Variants in EIF5B observed in about 807,000 individuals in gnomAD.
The protein encoded by EIF5B is eIF-5B.
In EIF5B, 47 loss-of-function variants were observed where a neutral mutation model predicts 147.5. The ratio of observed to expected loss-of-function variants is 0.32; its 90% CI spans 0.25 to 0.41. The LOEUF is 0.41. EIF5B is among the 10% of genes least tolerant of loss of function. The pLI, the probability that EIF5B is intolerant of heterozygous loss-of-function variation, is 1.00. For missense variants in EIF5B, 1,064 were observed against 1,413.2 expected (o/e 0.75, Z 3.96); for synonymous variants, 455 against 456.2 (o/e 1.00, Z 0.03).
chr2:99,369,021 C>T (rs967199612), intron 7 of EIF5B, among the ~76,000 whole-genome samples: 19 of 152,218 alleles, frequency 1.2e-4, no homozygotes, highest in Non-Finnish European at 2.6e-4. Context: ...GCCTGTAATC[C>T]CAGCACGCTG....
chr2:99,352,968 AC>A (rs1674005820), intron 1 of EIF5B, among the ~76,000 whole-genome samples: 3 of 145,810 alleles, frequency 2.1e-5, no homozygotes, highest in Non-Finnish European at 1.5e-5. Context: ...AAGTACAGGC[AC>A]ATGCCACTAT....
intron 17 of EIF5B, among the ~76,000 whole-genome samples, chr2:99,391,157 A>G (rs963282093): frequency 1.3e-5 from 2 of 152,218 alleles, no homozygotes; most frequent in African/African-American, 4.8e-5. Flanking sequence ...TTACAGTAAA[A>G]CAAGCTAGAG....
chr2:99,375,724 T>C (rs12464535), intron 9 of EIF5B, among the ~76,000 whole-genome samples: 94,031 of 152,096 alleles, frequency 0.62, 29,859 homozygotes, highest in African/African-American at 0.75. Context: ...AAGTGACAGA[T>C]TTCGTTTTAG....
In EIF5B at chr2:99,361,149, C is replaced by T. The variant is rs890144977; in HGVS notation, c.248C>T (p.Pro83Leu). 7.5e-6 allele frequency: 11 copies of T among 1,470,486 alleles called. No individual in the cohort carries two copies. The highest frequency in any genetic ancestry group is 9.9e-6 in the Non-Finnish European group (11 of 1,112,306). 91.1% of individuals were successfully genotyped at this position (1,470,486 alleles called of 1,614,324 possible). A position where few individuals can be genotyped will look rare whatever the true frequency, so the allele number is the denominator to read the frequency against. Residue 83 changes from proline to leucine, a missense_variant and splice_region_variant, in exon 4 of 24, where the codon CCA becomes CTA. Pro to Leu is a moderately conservative substitution (Grantham distance 98). This residue lies in a region of EIF5B where 458 missense variants were observed against 451.3 expected (regional missense o/e 1.01). Coordinates refer to ENST00000289371, the MANE Select transcript of EIF5B (RefSeq NM_015904.4). ...KADRETVAVK[P>L]TENNEEEFTS... ...TTTCTAACAATGGAAATTTTTTAGC[C>T]AACAGAAAACAATGAAGAGGAATTC...
At position 99,389,801 on chromosome 2, in the gene EIF5B, T is replaced by C; in HGVS notation, c.2355T>C (p.Asp785=). The change falls in exon 15 of 24, where the codon GAT becomes GAC. Residue 785 remains aspartate, a synonymous_variant. Coordinates refer to ENST00000289371, the MANE Select transcript of EIF5B (RefSeq NM_015904.4). ...TLKKQKKNTK[D]EFEERAKAII... is the part of the protein sequence containing the mutation. ...AGAAGCAGAAAAAGAATACAAAAGATGAATTTGAGGAGCGAGCAAAGGCTA... is the reference window on the plus strand; with the variant it reads ...AGAAGCAGAAAAAGAATACAAAAGACGAATTTGAGGAGCGAGCAAAGGCTA... 1 of 1,613,544 alleles carries C rather than the reference T, an allele frequency of 6.2e-7. No homozygotes were observed. Among genetic ancestry groups the C allele is most frequent in the East Asian group, 2.2e-5 (1 of 44,840 alleles).
intron 21 of EIF5B, among the ~76,000 whole-genome samples, chr2:99,396,496 G>A (rs2104259088): frequency 6.6e-6 from 1 of 152,324 alleles, no homozygotes; most frequent in African/African-American, 2.4e-5. Context: ...CTGTGATGCA[G>A]CTTCTTTTGG....
intron 23 of EIF5B, 61 bp downstream of exon 23, chr2:99,398,970 C>T (rs1675132588): frequency 1.0e-5 from 16 of 1,551,746 alleles, no homozygotes; most frequent in Non-Finnish European, 1.4e-5. Context: ...TCTTGGGTCA[C>T]CTGTACCTGT....
Position 99,389,812 on chromosome 2 carries a change from A to T in EIF5B, c.2366A>T (p.Glu789Val). Residue 789 changes from glutamate (E) to valine (V), a missense_variant, in exon 15 of 24, where the codon GAG (glutamate) becomes GTG (valine). By Grantham distance (121) the Glu-to-Val change is moderately radical. Around this residue, in one of 4 missense-constraint regions of EIF5B, gnomAD observed 380 missense variants for 715.6 expected, o/e 0.53. Coordinates refer to ENST00000289371, the MANE Select transcript of EIF5B (RefSeq NM_015904.4). ...QKKNTKDEFE[E>V]RAKAIIVEFA... ...AAGAATACAAAAGATGAATTTGAGG[A>T]GCGAGCAAAGGCTATTATTGTAGAA... 6.2e-7 allele frequency: 1 copy of T among 1,613,518 alleles called. No individual in the cohort carries two copies. Among genetic ancestry groups the T allele is most frequent in the Middle Eastern group, 1.7e-4 (1 of 5,914 alleles).
chr2:99,345,172 A>C (rs2094269749), intron 1 of EIF5B, among the ~76,000 whole-genome samples: 2 of 152,228 alleles, frequency 1.3e-5, no homozygotes, highest in Non-Finnish European at 1.5e-5. Context: ...TAATTATTAT[A>C]GTGTTAGACG....
rs985440240 is a variant in EIF5B at position 99,396,645 on chromosome 2, C to T, written c.3255-115C>T. ...CACCCTGCCTGCCCCTCTCCTGTGG[C>T]CGCTGGGGAAAGCTGCTTTCCTCTA... On this transcript the variant is annotated intron_variant, in intron 21 of 23. Transcript: ENST00000289371. 15 of 1,333,484 alleles carry T rather than the reference C, an allele frequency of 1.1e-5. No homozygotes were observed. In the Admixed American group the frequency reaches 3.5e-4, roughly 31 times the overall value. 82.6% of individuals were successfully genotyped at this position (1,333,484 alleles called of 1,614,324 possible). A position where few individuals can be genotyped will look rare whatever the true frequency, so the allele number is the denominator to read the frequency against.
At chr2:99,388,174 G>A (rs922098051) in intron 14 of EIF5B, among the ~76,000 whole-genome samples, 2 of 152,126 alleles carry the variant, frequency 1.3e-5, no homozygotes, top group African/African-American at 2.4e-5. Flanking sequence ...ATTAGGCCTA[G>A]TATCTTCTTT....
chr2:99,337,990 G>A (rs1206110769), intron 1 of EIF5B, among the ~76,000 whole-genome samples: 1 of 152,246 alleles, frequency 6.6e-6, no homozygotes, highest in Admixed American at 6.5e-5. Context: ...CTTTGGGAGG[G>A]AAGGGAGCTT....
At chr2:99,357,756 A>G (rs375328459) in intron 1 of EIF5B, among the ~76,000 whole-genome samples, 31 of 152,250 alleles carry the variant, frequency 2.0e-4, no homozygotes, top group African/African-American at 7.2e-4. Context: ...CTGTAGTGTG[A>G]AATGTTGCCA....
rs542675820 is a variant in EIF5B, at chr2:99,400,369, A to AACTT, written c.*957_*960dup. 80 of 152,292 alleles carry AACTT rather than the reference A, an allele frequency of 5.3e-4. No individual in the cohort carries two copies. Among genetic ancestry groups the AACTT allele is most frequent in the African/African-American group, 1.6e-3 (68 of 41,566 alleles). The allele number at this position is 152,292 out of a possible 1,614,324, so 9.4% of individuals were successfully genotyped here. ...TGCTTCTAAATTGTTGCAGACACAA[A>AACTT]ACTTAATGATTCATTCGTAGTAGTA... On this transcript the variant is annotated 3_prime_UTR_variant, in exon 24 of 24. Coordinates refer to ENST00000289371, the MANE Select transcript of EIF5B (RefSeq NM_015904.4).
chr2:99,400,193 G>GTA lies in EIF5B; in HGVS notation c.*780_*781dup, dbSNP rs1363142006. Reference sequence around the variant, plus strand: ...CCTTGTATGCCAGCACCTGGTAACAGTAGAGATTTTTATACATTAATCTTG... The same window carrying GTA: ...CCTTGTATGCCAGCACCTGGTAACAGTATAGAGATTTTTATACATTAATCTTG... On this transcript the variant is annotated 3_prime_UTR_variant, in exon 24 of 24. Coordinates refer to ENST00000289371, the MANE Select transcript of EIF5B (RefSeq NM_015904.4). 6.6e-6 allele frequency: 1 copy of GTA among 152,080 alleles called. No homozygotes were observed. Among genetic ancestry groups the GTA allele is most frequent in the Non-Finnish European group, 1.5e-5 (1 of 68,046 alleles). The allele number at this position is 152,080 out of a possible 1,614,324, so 9.4% of individuals were successfully genotyped here.
Position 99,389,727 on chromosome 2 carries a change from T to C in EIF5B, c.2281T>C (p.Leu761=), listed in dbSNP as rs753358744. 1.2e-6 allele frequency: 2 copies of C among 1,604,222 alleles called. No homozygotes were observed. The highest frequency in any genetic ancestry group is 1.1e-5 in the South Asian group (1 of 88,676). Residue 761 remains leucine (L), a synonymous_variant, in exon 15 of 24, where the codon TTA becomes CTA. Transcript: ENST00000289371. ...FIVALNKIDR[L]YDWKKSPDSD... is the part of the protein sequence containing the mutation. The stretch of plus-strand genomic sequence containing the variant: ...GAAAAAACTTTTTCAGATTGATAGG[T>C]TATATGATTGGAAAAAGAGTCCTGA...
At chr2:99,363,356 A>T (rs1194714157) in intron 4 of EIF5B, among the ~76,000 whole-genome samples, 1 of 152,216 alleles carries the variant, frequency 6.6e-6, no homozygotes, top group Admixed American at 6.5e-5. Flanking sequence ...TACATTAGGT[A>T]CAGGATTGCC....
Position 99,361,519 on chromosome 2 carries a change from C to T in EIF5B, c.618C>T (p.Asn206=). The change falls in exon 4 of 24, where the codon AAC becomes AAT. Residue 206 remains asparagine (N), a synonymous_variant. Coordinates refer to ENST00000289371, the MANE Select transcript of EIF5B (RefSeq NM_015904.4). ...SRKGQKKNQK[N]KPGPNIESGN... ...AAGGACAGAAAAAAAATCAGAAAAA[C>T]AAGCCAGGTCCTAACATAGAAAGTG... 2 of 1,613,760 alleles carry T rather than the reference C, an allele frequency of 1.2e-6. No individual in the cohort carries two copies. The highest frequency in any genetic ancestry group is 1.7e-6 in the Non-Finnish European group (2 of 1,179,874).
chr2:99,341,631 ACT>A (rs1232877235), intron 1 of EIF5B, among the ~76,000 whole-genome samples: 2 of 152,120 alleles, frequency 1.3e-5, no homozygotes, highest in Admixed American at 6.6e-5. Flanking sequence ...ACTCCTTTAC[ACT>A]CTTAAATTCC....
Sources: allele counts gnomAD v4.1 joint callset (sites outside exome capture counted in the v4.1 genomes callset), GRCh38; gene constraint gnomAD v4.1.1; regional missense constraint gnomAD v4.1.1; transcripts MANE v1.5; gene names NCBI Gene and HGNC (gene_info 2026-07-23, HGNC 2026-07-21).